SMCHD1: variants seen among roughly 807,000 people sequenced by gnomAD.
SMCHD1 encodes the protein structural maintenance of chromosomes flexible hinge domain-containing protein 1.
In SMCHD1, 78 loss-of-function variants were observed where a neutral mutation model predicts 254.7. That is an observed-to-expected ratio of 0.31 (90% CI 0.26 to 0.37). The LOEUF is 0.37. SMCHD1 is among the 10% of genes least tolerant of loss of function. The pLI is 1.00. For missense variants in SMCHD1, 1,840 were observed against 2,408.1 expected (o/e 0.76, Z 4.94); for synonymous variants, 766 against 794.9 (o/e 0.96, Z 0.61).
intron 39 of SMCHD1, among the ~76,000 whole-genome samples, chr18:2,771,203 TAA>T (rs1169723449): frequency 2.0e-5 from 3 of 152,234 alleles, no homozygotes; most frequent in Non-Finnish European, 4.4e-5. Context: ...ATTGTTTTTA[TAA>T]AGTCTTTGAG....
chr18:2,798,929 C>G (rs1026366298), intron 47 of SMCHD1, among the ~76,000 whole-genome samples: 4 of 152,182 alleles, frequency 2.6e-5, no homozygotes, highest in Non-Finnish European at 4.4e-5. Context: ...TTGCCCTAGA[C>G]CTTCCAGTTA....
chr18:2,750,363 C>T lies in SMCHD1; in HGVS notation c.4021C>T (p.Leu1341Phe). 1 of 1,611,974 alleles carries T rather than the reference C, an allele frequency of 6.2e-7. No homozygotes were observed. Among genetic ancestry groups the T allele is most frequent in the Non-Finnish European group, 8.5e-7 (1 of 1,178,882 alleles). ...TTGTTTTGTTAGGGGAGAGCATACT[C>T]TTCAGGTTAAAGCCATCTATAACAA... ...SVFAPRGEHT[L>F]QVKAIYNKSI... Residue 1341 changes from leucine to phenylalanine, a missense_variant, in exon 32 of 48, where the codon CTT (leucine) becomes TTT (phenylalanine). Leu to Phe is a conservative substitution (Grantham distance 22, BLOSUM62 0). This residue lies in a region of SMCHD1 where 881 missense variants were observed against 1,009.5 expected (regional missense o/e 0.87). Coordinates refer to ENST00000320876, the MANE Select transcript of SMCHD1 (RefSeq NM_015295.3).
In SMCHD1 at chr18:2,732,261, C is replaced by A. The variant is rs369589682; in HGVS notation, c.3049-4C>A. 1.7e-5 allele frequency: 27 copies of A among 1,609,444 alleles called. No individual in the cohort carries two copies. The highest frequency in any genetic ancestry group is 2.2e-5 in the Non-Finnish European group (26 of 1,176,958). ...TCAGTGTTTGTGTTTTCTTCTCTTT[C>A]TAGAGTTGTAAAGATGTGGCACCTG... On this transcript the variant is annotated splice_region_variant and splice_polypyrimidine_tract_variant and intron_variant, in intron 24 of 47. Transcript: ENST00000320876.
intron 19 of SMCHD1, among the ~76,000 whole-genome samples, chr18:2,720,374 G>A (rs549386819): frequency 6.6e-6 from 1 of 152,034 alleles, no homozygotes; most frequent in Non-Finnish European, 1.5e-5. Context: ...CATGAATTCA[G>A]TATCTTTATT....
intron 17 of SMCHD1, among the ~76,000 whole-genome samples, chr18:2,711,581 C>G (rs2074673560): frequency 7.0e-6 from 1 of 143,524 alleles, no homozygotes; most frequent in Non-Finnish European, 1.5e-5. Flanking sequence ...CTCCCGGGTT[C>G]ACGCCATTCT....
At chr18:2,742,970 G>C (rs1370361282) in intron 28 of SMCHD1, among the ~76,000 whole-genome samples, 1 of 152,116 alleles carries the variant, frequency 6.6e-6, no homozygotes, top group African/African-American at 2.4e-5. Flanking sequence ...CACTGTGCCT[G>C]GCCTGATTTT....
chr18:2,754,439 C>T (rs1195862617), intron 34 of SMCHD1, among the ~76,000 whole-genome samples: 2 of 152,186 alleles, frequency 1.3e-5, no homozygotes, highest in Non-Finnish European at 2.9e-5. Context: ...ACAGAGGAAG[C>T]TTTCCAAGGA....
At chr18:2,669,511 C>G (rs931349248) in intron 3 of SMCHD1, among the ~76,000 whole-genome samples, 49 of 152,160 alleles carry the variant, frequency 3.2e-4, no homozygotes, top group African/African-American at 1.2e-3. Context: ...ACTGCCTGCC[C>G]TTTCTTCTCT....
At chr18:2,743,687 C>T in intron 28 of SMCHD1, 74 bp from the exon 29 acceptor site, 1 of 1,191,048 alleles carries the variant, frequency 8.4e-7, no homozygotes, top group South Asian at 1.9e-5. Flanking sequence ...GGGTTAATGA[C>T]AAAACATTTT....
chr18:2,740,583 CA>C, intron 27 of SMCHD1, 119 bp from the exon 28 acceptor site: 4 of 428,450 alleles, frequency 9.3e-6, no homozygotes, highest in Non-Finnish European at 8.0e-6. Context: ...ATTTTTGTAC[CA>C]AAAATTACTC....
rs550816529 is a variant in SMCHD1 at position 2,803,217 on chromosome 18, T to A, written c.*665T>A. 14 of 147,078 alleles carry A rather than the reference T, an allele frequency of 9.5e-5. No homozygotes were observed. Among genetic ancestry groups the A allele is most frequent in the African/African-American group, 2.2e-4 (9 of 40,574 alleles). The allele number at this position is 147,078 out of a possible 1,614,324, so 9.1% of individuals were successfully genotyped here. On this transcript the variant is annotated 3_prime_UTR_variant, in exon 48 of 48. Coordinates refer to ENST00000320876, the MANE Select transcript of SMCHD1 (RefSeq NM_015295.3). ...GTGTGTGTATATATATATATATATA[T>A]AAATATATATATATAAAATATTCAG...
chr18:2,731,745 C>T (rs1361832275), intron 24 of SMCHD1, among the ~76,000 whole-genome samples: 2 of 152,196 alleles, frequency 1.3e-5, no homozygotes, highest in Non-Finnish European at 2.9e-5. Flanking sequence ...GGCGCAGTGG[C>T]TGATGCCTGT....
chr18:2,679,816 C>G (rs980523001), intron 5 of SMCHD1, among the ~76,000 whole-genome samples: 2 of 152,036 alleles, frequency 1.3e-5, no homozygotes, highest in African/African-American at 4.8e-5. Context: ...TATTCTTTCT[C>G]TCCTTTGCTT....
intron 5 of SMCHD1, among the ~76,000 whole-genome samples, chr18:2,682,109 G>A (rs2073943960): frequency 6.6e-6 from 1 of 152,004 alleles, no homozygotes; most frequent in South Asian, 2.1e-4. Context: ...TTATTCTAGA[G>A]GCTCTGATAG....
chr18:2,763,628 T>G lies in SMCHD1; in HGVS notation c.4567-9T>G. On this transcript the variant is annotated splice_polypyrimidine_tract_variant and intron_variant, in intron 36 of 47. Coordinates refer to ENST00000320876, the MANE Select transcript of SMCHD1 (RefSeq NM_015295.3). Reference sequence around the variant, plus strand: ...GTTTCTCTAATTGTTTTCCATTTTTTGTTTTAAGGATGACTACGACAACCA... The same window carrying G: ...GTTTCTCTAATTGTTTTCCATTTTTGGTTTTAAGGATGACTACGACAACCA... 6.5e-7 allele frequency: 1 copy of G among 1,546,700 alleles called. No individual in the cohort carries two copies. Among genetic ancestry groups the G allele is most frequent in the Non-Finnish European group, 8.7e-7 (1 of 1,154,056 alleles).
intron 11 of SMCHD1, 27 bp downstream of exon 11, chr18:2,700,686 G>C (rs2074382013): frequency 6.2e-7 from 1 of 1,603,236 alleles, no homozygotes; most frequent in African/African-American, 1.3e-5. Flanking sequence ...CTGAAATTAT[G>C]TTTTTACAAC....
chr18:2,716,531 G>A (rs546503139), intron 17 of SMCHD1, among the ~76,000 whole-genome samples: 1 of 152,312 alleles, frequency 6.6e-6, no homozygotes, highest in East Asian at 1.9e-4. Context: ...CCCTGAGGCA[G>A]GTAGGGAGGG....
At chr18:2,716,074 C>T (rs1295348514) in intron 17 of SMCHD1, among the ~76,000 whole-genome samples, 2 of 151,838 alleles carry the variant, frequency 1.3e-5, no homozygotes, top group Non-Finnish European at 2.9e-5. Flanking sequence ...TTATTTTTTC[C>T]TTGATGATGT....
intron 8 of SMCHD1, 99 bp downstream of exon 8, chr18:2,694,792 T>C (rs1268802972): frequency 2.0e-6 from 2 of 1,012,438 alleles, no homozygotes; most frequent in East Asian, 2.5e-5. Context: ...TCCGTTTTGC[T>C]CCTGTCTCAT....
Sources: allele counts gnomAD v4.1 joint callset (sites outside exome capture counted in the v4.1 genomes callset), GRCh38; gene constraint gnomAD v4.1.1; regional missense constraint gnomAD v4.1.1; transcripts MANE v1.5; gene names NCBI Gene and HGNC (gene_info 2026-07-23, HGNC 2026-07-21).